The following NLRC5 variants were observed in gnomAD, a reference collection of about 807,000 sequenced individuals.
NLRC5 encodes the protein NLR family CARD domain containing 5, also known as protein NLRC5.
Under a neutral mutation model 206.9 loss-of-function variants are expected in NLRC5, and 114 were observed. The ratio of observed to expected loss-of-function variants is 0.55; its 90% CI spans 0.47 to 0.64. The LOEUF (loss-of-function observed/expected upper bound fraction) is 0.64, where lower values mean the gene tolerates loss of function less well. Ranked by LOEUF, NLRC5 falls within the 30% of genes least tolerant of loss-of-function variation. NLRC5 has a pLI of 0.00. For synonymous variants in NLRC5, 952 were observed against 962.8 expected (o/e 0.99, Z 0.21); for missense variants, 2,008 against 2,305.5 (o/e 0.87, Z 2.64).
chr16:57,077,580 C>T, intron 41 of NLRC5, 139 bp from the exon 42 acceptor site: 2 of 988,554 alleles, frequency 2.0e-6, no homozygotes, highest in South Asian at 3.2e-5. Flanking sequence ...GCCTTTCTGC[C>T]TCATTGTCTG....
intron 1 of NLRC5, among the ~76,000 whole-genome samples, chr16:57,008,997 A>T (rs1331615349): frequency 1.3e-5 from 2 of 152,244 alleles, no homozygotes; most frequent in African/African-American, 4.8e-5. Context: ...GAGATTTAAA[A>T]TTATAAGAAA....
Position 57,020,889 on chromosome 16 carries a change from C to T in NLRC5, c.177C>T (p.Asn59=), listed in dbSNP as rs1455006763. 1 of 1,613,942 alleles carries T rather than the reference C, an allele frequency of 6.2e-7. No individual in the cohort carries two copies. Among genetic ancestry groups the T allele is most frequent in the Non-Finnish European group, 8.5e-7 (1 of 1,179,992 alleles). The change falls in exon 3 of 49, where the codon AAC becomes AAT. Residue 59 remains asparagine, a synonymous_variant. Coordinates refer to ENST00000688547, the MANE Select transcript of NLRC5 (RefSeq NM_001384950.1). ...AACAGAGAGTCATCCTGCAACTCAA[C>T]AAGCTGCATGTCCAGGGTTCGGACA... The part of the protein sequence containing the change: ...DPEQRVILQL[N]KLHVQGSDTW...
At position 57,031,483 on chromosome 16, in the gene NLRC5, T is replaced by G. The variant is rs1597259302; in HGVS notation, c.2477+20T>G. On this transcript the variant is annotated intron_variant, in intron 11 of 48. Transcript: ENST00000688547. ...ACAAAGGTAAGAAGCCAAGAGGCGGTGGGCCTGGGGCCATCCTTAGAAGCA... is the reference window on the plus strand; with the variant it reads ...ACAAAGGTAAGAAGCCAAGAGGCGGGGGGCCTGGGGCCATCCTTAGAAGCA... 4 of 1,611,218 alleles carry G rather than the reference T, an allele frequency of 2.5e-6. No individual in the cohort carries two copies. The highest frequency in any genetic ancestry group is 3.4e-6 in the Non-Finnish European group (4 of 1,179,012).
chr16:57,056,129 A>C (rs2065626411), intron 27 of NLRC5, among the ~76,000 whole-genome samples: 1 of 152,238 alleles, frequency 6.6e-6, no homozygotes, highest in Admixed American at 6.5e-5. Flanking sequence ...GAACTTGCCC[A>C]AGGTCACACA....
rs778745378 is a variant in NLRC5 at position 57,066,606 on chromosome 16, G to A, written c.4314G>A (p.Val1438=). 1 of 1,613,924 alleles carries A rather than the reference G, an allele frequency of 6.2e-7. No homozygotes were observed. Among genetic ancestry groups the A allele is most frequent in the East Asian group, 2.2e-5 (1 of 44,878 alleles). ...FPRQEENPEA[V]ALRLAHCDLG... is the part of the protein sequence containing the mutation. Reference sequence around the variant, plus strand: ...GCCAGGAAGAGAATCCAGAAGCTGTGGCACTCAGGTGGGACCCAGCACCAG... The same window carrying A: ...GCCAGGAAGAGAATCCAGAAGCTGTAGCACTCAGGTGGGACCCAGCACCAG... Residue 1438 remains valine (V), a synonymous_variant, in exon 34 of 49, where the codon GTG becomes GTA. Transcript: ENST00000688547.
At chr16:57,058,844 G>A in intron 28 of NLRC5, 128 bp from the exon 29 acceptor site, 1 of 811,348 alleles carries the variant, frequency 1.2e-6, no homozygotes, top group Admixed American at 1.8e-5. Flanking sequence ...TCCATCTGGA[G>A]AATAGATGCT....
At chr16:57,062,665 C>T (rs2066658402) in intron 32 of NLRC5, 2 of 153,828 alleles carry the variant, frequency 1.3e-5, no homozygotes, top group Admixed American at 6.5e-5. Context: ...AAAAAACTTA[C>T]GTCACCGACA....
chr16:57,054,974 G>A (rs45533741), intron 25 of NLRC5, 58 bp from the exon 26 acceptor site: 44 of 1,605,754 alleles, frequency 2.7e-5, no homozygotes, highest in South Asian at 1.4e-4. Flanking sequence ...TGCTGGCCCC[G>A]TGGGGGCATC....
At chr16:57,059,222 G>A in intron 29 of NLRC5, 161 bp downstream of exon 29, 1 of 1,503,400 alleles carries the variant, frequency 6.7e-7, no homozygotes, top group Non-Finnish European at 8.9e-7. Context: ...CTGGGCATGG[G>A]ATCATAATTT....
intron 17 of NLRC5, chr16:57,041,224 A>T: frequency 2.0e-6 from 1 of 498,806 alleles, no homozygotes; most frequent in South Asian, 2.5e-5. Flanking sequence ...TCTTCCTCTG[A>T]TCTGCTCTCT....
chr16:57,060,894 C>A (rs1266180825), intron 30 of NLRC5, among the ~76,000 whole-genome samples: 1 of 152,210 alleles, frequency 6.6e-6, no homozygotes, highest in Non-Finnish European at 1.5e-5. Flanking sequence ...CTTGGCTGGG[C>A]CCGTCTGCTG....
chr16:57,070,577 G>C lies in NLRC5; in HGVS notation c.4626G>C (p.Leu1542=). Residue 1542 remains leucine (L), a synonymous_variant, in exon 38 of 49, where the codon CTG becomes CTC. Coordinates refer to ENST00000688547, the MANE Select transcript of NLRC5 (RefSeq NM_001384950.1). The part of the protein sequence containing the change: ...NQFDEEGTKA[L]MRALEGKWML... ...TTGATGAGGAGGGCACCAAGGCGCT[G>C]ATGAGGGCCCTTGAGGGGAAATGGA... 6.2e-7 allele frequency: 1 copy of C among 1,614,172 alleles called. No homozygotes were observed. The highest frequency in any genetic ancestry group is 2.2e-5 in the East Asian group (1 of 44,890).
intron 33 of NLRC5, 29 bp downstream of exon 33, chr16:57,065,327 ATTC>A (rs2066966972): frequency 6.8e-7 from 1 of 1,469,010 alleles, no homozygotes. Flanking sequence ...CCCCTTTGGA[ATTC>A]TTCATCTTTC....
chr16:57,037,058 G>A (rs2062677549), intron 14 of NLRC5, 137 bp from the exon 15 acceptor site: 1 of 735,132 alleles, frequency 1.4e-6, no homozygotes, highest in Admixed American at 1.9e-5. Flanking sequence ...AGAATCCTTT[G>A]AGATCCCCTG....
intron 1 of NLRC5, among the ~76,000 whole-genome samples, chr16:56,995,608 T>C (rs1864166): frequency 0.085 from 12,852 of 151,982 alleles, 698 homozygotes; most frequent in African/African-American, 0.13. Context: ...GTGGGATGGA[T>C]CCTGTACCAT....
intron 21 of NLRC5, among the ~76,000 whole-genome samples, chr16:57,045,909 TTCCCC>T (rs2063897279): frequency 6.6e-6 from 1 of 152,226 alleles, no homozygotes. Context: ...AAAAAACATT[TTCCCC>T]GTCTTCGCAG....
At chr16:57,045,557 C>T in intron 21 of NLRC5, 65 bp downstream of exon 21, 1 of 1,508,546 alleles carries the variant, frequency 6.6e-7, no homozygotes, top group Non-Finnish European at 9.2e-7. Flanking sequence ...GTTGGAGGTC[C>T]CCCCACCCCC....
chr16:56,993,515 T>A (rs968569818), intron 1 of NLRC5, among the ~76,000 whole-genome samples: 2 of 152,232 alleles, frequency 1.3e-5, no homozygotes, highest in Admixed American at 6.5e-5. Context: ...AAGGGGAATA[T>A]GCAGTTTGAA....
At position 57,024,614 on chromosome 16, in the gene NLRC5, G is replaced by A. The variant is rs1465786232; in HGVS notation, c.425-754G>A. Among the ~76,000 whole-genome samples, 3 of 152,334 alleles carry A rather than the reference G, an allele frequency of 2.0e-5. No individual in the cohort carries two copies. In the East Asian group the frequency reaches 5.8e-4, roughly 29 times the overall value. ...CACAGTTCCGATCGGTAATGCCTAG[G>A]CCTACAGGTTGTTAGTGCTCACCCC... On this transcript the variant is annotated intron_variant, in intron 5 of 48. Coordinates refer to ENST00000688547, the MANE Select transcript of NLRC5 (RefSeq NM_001384950.1).
Sources: allele counts gnomAD v4.1 joint callset (sites outside exome capture counted in the v4.1 genomes callset), GRCh38; gene constraint gnomAD v4.1.1; transcripts MANE v1.5; gene names NCBI Gene and HGNC (gene_info 2026-07-23, HGNC 2026-07-21).